The following WDFY2 variants were observed in gnomAD, a reference collection of about 807,000 sequenced individuals.
WDFY2 encodes WD repeat and FYVE domain-containing protein 2.
A neutral mutation model predicts 56.4 loss-of-function variants in WDFY2; 36 were observed. The ratio of observed to expected loss-of-function variants is 0.64; its 90% CI spans 0.49 to 0.84. The LOEUF is 0.84. Ranked by LOEUF, WDFY2 falls within the 40% of genes least tolerant of loss-of-function variation. The pLI, the probability that WDFY2 is intolerant of heterozygous loss-of-function variation, is 0.00. For missense variants in WDFY2, 444 were observed against 512.2 expected (o/e 0.87, Z 1.29); for synonymous variants, 176 against 183.7 (o/e 0.96, Z 0.34).
At chr13:51,589,957 C>A (rs980823326) in intron 1 of WDFY2, 2 of 152,140 alleles carry the variant, frequency 1.3e-5, no homozygotes, top group Non-Finnish European at 2.9e-5. Context: ...GAACAGGCTG[C>A]CTCTGTGTTT....
chr13:51,670,489 GCACACACACACACACA>G (rs55984632), intron 2 of WDFY2, among the ~76,000 whole-genome samples: 41 of 131,494 alleles, frequency 3.1e-4, no homozygotes, highest in Admixed American at 5.4e-4. Flanking sequence ...GTGCGCACAT[GCACACACACACACACA>G]CACACACACA....
intron 1 of WDFY2, among the ~76,000 whole-genome samples, chr13:51,631,071 T>C (rs1222148159): frequency 7.1e-6 from 1 of 141,266 alleles, no homozygotes; most frequent in Non-Finnish European, 1.6e-5. Context: ...TGAGCCACCA[T>C]GCCCAGCAAG....
intron 2 of WDFY2, among the ~76,000 whole-genome samples, chr13:51,674,519 A>G (rs996351385): frequency 1.3e-5 from 2 of 152,272 alleles, no homozygotes; most frequent in Admixed American, 6.5e-5. Flanking sequence ...GCCTGGGTGT[A>G]CTGACTTACC....
At chr13:51,604,657 T>C (rs1255965659) in intron 1 of WDFY2, among the ~76,000 whole-genome samples, 1 of 152,248 alleles carries the variant, frequency 6.6e-6, no homozygotes, top group African/African-American at 2.4e-5. Flanking sequence ...AATCCTTCAG[T>C]GGCACTAGCC....
chr13:51,697,368 A>G (rs1319932331), intron 3 of WDFY2, among the ~76,000 whole-genome samples: 9 of 152,188 alleles, frequency 5.9e-5, no homozygotes. Context: ...GCAGTGACTC[A>G]CGCCTATAAT....
intron 1 of WDFY2, among the ~76,000 whole-genome samples, chr13:51,657,877 G>T (rs1056999889): frequency 3.1e-4 from 47 of 151,828 alleles, no homozygotes; most frequent in African/African-American, 1.1e-3. Flanking sequence ...TTTGTTCTTT[G>T]TCTTTTTAAA....
At chr13:51,625,318 C>A (rs1405754019) in intron 1 of WDFY2, among the ~76,000 whole-genome samples, 1 of 152,200 alleles carries the variant, frequency 6.6e-6, no homozygotes, top group Non-Finnish European at 1.5e-5. Flanking sequence ...CTAGTATCTG[C>A]ATGGTTTCCT....
intron 1 of WDFY2, among the ~76,000 whole-genome samples, chr13:51,655,150 T>C (rs1403351128): frequency 1.3e-5 from 2 of 151,752 alleles, no homozygotes; most frequent in Non-Finnish European, 2.9e-5. Flanking sequence ...CATCTTCCAA[T>C]AGAAATAGTT....
chr13:51,704,179 A>T (rs1195576980), intron 4 of WDFY2, among the ~76,000 whole-genome samples: 3 of 152,212 alleles, frequency 2.0e-5, no homozygotes, highest in East Asian at 3.8e-4. Flanking sequence ...CATTTCCTCC[A>T]ATTCTCTTGA....
intron 5 of WDFY2, among the ~76,000 whole-genome samples, chr13:51,719,700 C>T (rs975240735): frequency 6.6e-6 from 1 of 152,132 alleles, no homozygotes; most frequent in Admixed American, 6.5e-5. Context: ...GCTCTTTGTA[C>T]AGAAGTAATT....
chr13:51,752,130 TAA>T (rs946479020), intron 8 of WDFY2, among the ~76,000 whole-genome samples: 1 of 152,202 alleles, frequency 6.6e-6, no homozygotes, highest in Admixed American at 6.5e-5. Flanking sequence ...AGCAACATTT[TAA>T]AAAGACAAAA....
chr13:51,763,500 C>A lies in WDFY2; in HGVS notation c.*3731C>A, dbSNP rs1013080668. 1.3e-5 allele frequency: 2 copies of A among 152,206 alleles called. No individual in the cohort carries two copies. The highest frequency in any genetic ancestry group is 3.8e-4 in the East Asian group (2 of 5,200). 9.4% of individuals were successfully genotyped at this position (152,206 alleles called of 1,614,324 possible). Reference sequence around the variant, plus strand: ...TATCACATTTTCATTTTCTGAGATTCATTTTATAAAAGTAAAGGCCAGGTG... The same window carrying A: ...TATCACATTTTCATTTTCTGAGATTAATTTTATAAAAGTAAAGGCCAGGTG... On this transcript the variant is annotated 3_prime_UTR_variant, in exon 12 of 12. Transcript: ENST00000298125.
intron 1 of WDFY2, among the ~76,000 whole-genome samples, chr13:51,600,911 A>G (rs1954264696): frequency 6.6e-6 from 1 of 152,168 alleles, no homozygotes; most frequent in Non-Finnish European, 1.5e-5. Context: ...GTCTGCTCAT[A>G]TAGCAGGTGA....
chr13:51,724,503 C>T (rs1952562956), intron 5 of WDFY2, among the ~76,000 whole-genome samples: 2 of 152,200 alleles, frequency 1.3e-5, no homozygotes, highest in South Asian at 4.1e-4. Flanking sequence ...TCCCAGAGTG[C>T]TGGGATTACA....
intron 1 of WDFY2, among the ~76,000 whole-genome samples, chr13:51,635,172 G>A (rs762573813): frequency 6.6e-6 from 1 of 152,014 alleles, no homozygotes; most frequent in Non-Finnish European, 1.5e-5. Flanking sequence ...TTGAGCTCCC[G>A]ACCTTCAGTG....
At chr13:51,711,338 A>G (rs1322580897) in intron 4 of WDFY2, among the ~76,000 whole-genome samples, 1 of 152,236 alleles carries the variant, frequency 6.6e-6, no homozygotes, top group African/African-American at 2.4e-5. Context: ...TAAAAACCCT[A>G]GAAGAAAACC....
intron 1 of WDFY2, among the ~76,000 whole-genome samples, chr13:51,628,500 C>T (rs185615636): frequency 1.3e-3 from 199 of 152,314 alleles, no homozygotes; most frequent in Non-Finnish European, 2.3e-3. Flanking sequence ...AGCTGGATGG[C>T]TGCAGCTACA....
At chr13:51,759,162 CAG>C (rs1390173151) in intron 11 of WDFY2, among the ~76,000 whole-genome samples, 2 of 152,168 alleles carry the variant, frequency 1.3e-5, no homozygotes, top group Non-Finnish European at 2.9e-5. Context: ...GCCTGGGTGA[CAG>C]AGCAAGACCC....
chr13:51,767,676 A>C lies in WDFY2; in HGVS notation c.*7907A>C, dbSNP rs1277391171. 4 of 154,428 alleles carry C rather than the reference A, an allele frequency of 2.6e-5. No homozygotes were observed. The highest frequency in any genetic ancestry group is 9.7e-5 in the African/African-American group (4 of 41,076). 9.6% of individuals were successfully genotyped at this position (154,428 alleles called of 1,614,324 possible). On this transcript the variant is annotated 3_prime_UTR_variant, in exon 12 of 12. Coordinates refer to ENST00000298125, the MANE Select transcript of WDFY2 (RefSeq NM_052950.4). ...CCACTCCTAATCTTAAGCAAATGTA[A>C]ACTAGGCCTCATTAAATTGTTTGTG...
Sources: gnomAD v4.1 joint callset for allele counts (sites outside exome capture counted in the v4.1 genomes callset) on GRCh38, gnomAD v4.1.1 for gene constraint, MANE v1.5 for transcripts, NCBI Gene and HGNC (gene_info 2026-07-23, HGNC 2026-07-21) for gene names.